Variants in TMC7 observed in about 807,000 individuals in gnomAD.
TMC7 encodes transmembrane channel like 7.
TMC7 carries 54 observed loss-of-function variants against 82.9 expected under a neutral mutation model. That is an observed-to-expected ratio of 0.65 (90% CI 0.52 to 0.82). TMC7 has a LOEUF of 0.82. Ranked by LOEUF, TMC7 falls within the 40% of genes least tolerant of loss-of-function variation. The pLI is 0.00. For missense variants in TMC7, 820 were observed against 901.2 expected (o/e 0.91, Z 1.15); for synonymous variants, 350 against 337.9 (o/e 1.04, Z -0.39).
At chr16:18,986,390 G>GA (rs1248730083) in intron 1 of TMC7, among the ~76,000 whole-genome samples, 3,817 of 73,046 alleles carry the variant, frequency 0.052, 205 homozygotes, top group African/African-American at 0.13. Flanking sequence ...GACTCTGTCT[G>GA]AAAAAAAAAA....
At chr16:19,061,462 T>C (rs1313078161) in intron 15 of TMC7, among the ~76,000 whole-genome samples, 1 of 151,670 alleles carries the variant, frequency 6.6e-6, no homozygotes, top group African/African-American at 2.4e-5. Flanking sequence ...TTTTTGTATT[T>C]TTAGTAGAGA....
chr16:18,988,156 C>G (rs1230927798), intron 1 of TMC7, among the ~76,000 whole-genome samples: 1 of 128,978 alleles, frequency 7.8e-6, no homozygotes, highest in Admixed American at 8.0e-5. Flanking sequence ...TTCTCTCTTT[C>G]TTTTTTTTTT....
chr16:18,997,707 C>A (rs1390872836), intron 1 of TMC7, among the ~76,000 whole-genome samples: 2 of 147,098 alleles, frequency 1.4e-5, no homozygotes, highest in Non-Finnish European at 3.0e-5. Context: ...GATCTGCAAA[C>A]AACTCCTGTG....
intron 11 of TMC7, among the ~76,000 whole-genome samples, chr16:19,046,805 AC>A (rs1237594773): frequency 6.6e-6 from 1 of 151,430 alleles, no homozygotes; most frequent in Non-Finnish European, 1.5e-5. Context: ...TACACTCCAT[AC>A]TGAGTAACAG....
intron 1 of TMC7, among the ~76,000 whole-genome samples, chr16:18,985,087 C>G (rs1368007279): frequency 6.6e-6 from 1 of 152,026 alleles, no homozygotes; most frequent in Non-Finnish European, 1.5e-5. Flanking sequence ...TGGTGAAACC[C>G]CATCTCTACT....
At chr16:18,998,082 C>T (rs1214541050) in intron 1 of TMC7, among the ~76,000 whole-genome samples, 2 of 152,068 alleles carry the variant, frequency 1.3e-5, no homozygotes, top group African/African-American at 2.4e-5. Context: ...CATGCTCATT[C>T]GTTTATGGAT....
intron 3 of TMC7, among the ~76,000 whole-genome samples, chr16:19,016,998 A>G (rs1596747362): frequency 6.6e-6 from 1 of 152,192 alleles, no homozygotes; most frequent in South Asian, 2.1e-4. Context: ...AGCCTGGACA[A>G]CATGGTGAAA....
rs1960955639 is a variant in TMC7, at chr16:19,040,342, T to C, written c.1233T>C (p.Ser411=). The change falls in exon 9 of 16, where the codon TCT becomes TCC. Residue 411 remains serine (S), a synonymous_variant. Transcript: ENST00000304381. The part of the protein sequence containing the change: ...GENLFILYLP[S]IVITLANFIT... ...ACCTCTTCATATTGTATCTACCGTC[T>C]ATTGTGATCACGCTGGCCAATTTTA... The C allele has an allele frequency of 1.2e-6, 2 of 1,614,064 alleles. No homozygotes were observed. The highest frequency in any genetic ancestry group is 1.3e-5 in the African/African-American group (1 of 75,042).
chr16:19,052,541 G>A (rs964610907), intron 13 of TMC7, among the ~76,000 whole-genome samples: 11 of 152,046 alleles, frequency 7.2e-5, no homozygotes, highest in Admixed American at 7.2e-4. Context: ...TACTGGGTGC[G>A]GTGGCTCACA....
intron 15 of TMC7, among the ~76,000 whole-genome samples, chr16:19,060,181 A>G (rs1052912525): frequency 2.0e-5 from 3 of 152,032 alleles, no homozygotes; most frequent in Admixed American, 6.6e-5. Context: ...GCGGCTGTAG[A>G]AGGCTTCTTT....
At chr16:19,056,757 G>A (rs968788576) in intron 14 of TMC7, 60 bp downstream of exon 14, 31 of 1,566,648 alleles carry the variant, frequency 2.0e-5, no homozygotes, top group African/African-American at 5.4e-5. Flanking sequence ...GGGAAATGGC[G>A]GCGGTCGGGG....
At chr16:18,989,014 T>C (rs1404875791) in intron 1 of TMC7, among the ~76,000 whole-genome samples, 2 of 150,596 alleles carry the variant, frequency 1.3e-5, no homozygotes, top group Admixed American at 6.7e-5. Flanking sequence ...GATCATACCA[T>C]TGCACTCCAG....
chr16:18,998,158 C>T (rs2039077103), intron 1 of TMC7, among the ~76,000 whole-genome samples: 1 of 152,194 alleles, frequency 6.6e-6, no homozygotes, highest in Non-Finnish European at 1.5e-5. Flanking sequence ...ATTCCTACCT[C>T]TTTACAGAAA....
intron 6 of TMC7, among the ~76,000 whole-genome samples, chr16:19,034,288 C>T (rs1380907855): frequency 6.6e-6 from 1 of 152,072 alleles, no homozygotes; most frequent in Non-Finnish European, 1.5e-5. Flanking sequence ...AAGTTAGTGT[C>T]ATTCCTGTGA....
intron 11 of TMC7, 31 bp downstream of exon 11, chr16:19,045,469 C>T (rs941752035): frequency 1.6e-5 from 24 of 1,463,782 alleles, no homozygotes; most frequent in Non-Finnish European, 2.1e-5. Flanking sequence ...TATTATCCCC[C>T]CCACCACACA....
chr16:19,057,203 G>A (rs1256995232), intron 14 of TMC7, among the ~76,000 whole-genome samples: 1 of 152,058 alleles, frequency 6.6e-6, no homozygotes, highest in Non-Finnish European at 1.5e-5. Flanking sequence ...GGCTCATTGG[G>A]CAAATTAAGA....
At chr16:19,001,036 A>G (rs2039132647) in intron 1 of TMC7, among the ~76,000 whole-genome samples, 1 of 152,164 alleles carries the variant, frequency 6.6e-6, no homozygotes, top group South Asian at 2.1e-4. Context: ...CAAACAAAAC[A>G]ACAAAATGTT....
intron 3 of TMC7, among the ~76,000 whole-genome samples, chr16:19,019,943 G>C (rs1216178591): frequency 6.6e-6 from 1 of 152,194 alleles, no homozygotes; most frequent in Non-Finnish European, 1.5e-5. Context: ...TCGGTCTCCA[G>C]TAATAAGTTC....
At chr16:19,020,429 A>G (rs1001725767) in intron 3 of TMC7, among the ~76,000 whole-genome samples, 16 of 152,344 alleles carry the variant, frequency 1.1e-4, no homozygotes, top group African/African-American at 2.4e-4. Flanking sequence ...ATGCATGTAG[A>G]TAATTAAAAA....
Sources: allele counts gnomAD v4.1 joint callset (sites outside exome capture counted in the v4.1 genomes callset), GRCh38; gene constraint gnomAD v4.1.1; transcripts MANE v1.5; gene names NCBI Gene and HGNC (gene_info 2026-07-23, HGNC 2026-07-21).